The following SHROOM3 variants were observed in gnomAD, a reference collection of about 807,000 sequenced individuals.
SHROOM3 encodes the protein shroom family member 3.
SHROOM3 carries 47 observed loss-of-function variants against 138.6 expected under a neutral mutation model. That is an observed-to-expected ratio of 0.34 (90% CI 0.27 to 0.43). The LOEUF (loss-of-function observed/expected upper bound fraction) is 0.43, where lower values mean the gene tolerates loss of function less well. Ranked by LOEUF, SHROOM3 falls within the 20% of genes least tolerant of loss-of-function variation. The pLI, the probability that SHROOM3 is intolerant of heterozygous loss-of-function variation, is 1.00. For synonymous variants in SHROOM3, 1,062 were observed against 1,063.3 expected (o/e 1.00, Z 0.02); for missense variants, 2,491 against 2,596.5 (o/e 0.96, Z 0.88).
intron 3 of SHROOM3, chr4:76,716,468 A>G (rs1720380232): frequency 7.7e-6 from 4 of 517,348 alleles, no homozygotes; most frequent in East Asian, 5.4e-5. Flanking sequence ...GGATCCTCCA[A>G]TGACAAGCCT....
chr4:76,524,153 A>G (rs375657372), intron 1 of SHROOM3, among the ~76,000 whole-genome samples: 17 of 152,254 alleles, frequency 1.1e-4, no homozygotes, highest in African/African-American at 4.1e-4. Context: ...TTTTTATAAG[A>G]AGAGAGAAAC....
chr4:76,762,268 ATATCT>A (rs1245466627), intron 9 of SHROOM3, among the ~76,000 whole-genome samples: 4 of 152,238 alleles, frequency 2.6e-5, no homozygotes, highest in Admixed American at 1.3e-4. Flanking sequence ...AGAGCATATA[ATATCT>A]TAACAGAGAA....
intron 2 of SHROOM3, among the ~76,000 whole-genome samples, chr4:76,600,730 C>T (rs1321557530): frequency 1.3e-5 from 2 of 152,128 alleles, no homozygotes; most frequent in Non-Finnish European, 2.9e-5. Context: ...TAAATGCTCT[C>T]ATTTGATGCT....
chr4:76,603,185 G>A (rs901604859), intron 2 of SHROOM3, among the ~76,000 whole-genome samples: 6 of 152,138 alleles, frequency 3.9e-5, no homozygotes, highest in East Asian at 1.9e-4. Flanking sequence ...TTGGAAGGCC[G>A]AGGAGAACGG....
chr4:76,442,210 AC>A (rs1040711978), intron 1 of SHROOM3, among the ~76,000 whole-genome samples: 1 of 152,208 alleles, frequency 6.6e-6, no homozygotes, highest in African/African-American at 2.4e-5. Context: ...TAAATGACTT[AC>A]AGGATTGTAC....
At chr4:76,723,918 C>T (rs1043554304) in intron 3 of SHROOM3, among the ~76,000 whole-genome samples, 1 of 152,204 alleles carries the variant, frequency 6.6e-6, no homozygotes, top group African/African-American at 2.4e-5. Flanking sequence ...ATCTGAGCCT[C>T]CCCAGCAAGA....
chr4:76,484,486 A>C (rs952561814), intron 1 of SHROOM3, among the ~76,000 whole-genome samples: 1 of 152,090 alleles, frequency 6.6e-6, no homozygotes, highest in Non-Finnish European at 1.5e-5. Flanking sequence ...TGGGAGGATC[A>C]TTTGAGCCCA....
At position 76,741,061 on chromosome 4, in the gene SHROOM3, C is replaced by T. The variant is rs367782393; in HGVS notation, c.2888C>T (p.Ser963Leu). ...AGGTCCTGGCGGCCACGGCCTTCCTCGGCCCACGTGGGGCTGCGGAGCCCC... is the reference window on the plus strand; with the variant it reads ...AGGTCCTGGCGGCCACGGCCTTCCTTGGCCCACGTGGGGCTGCGGAGCCCC... ...ASRSWRPRPS[S>L]AHVGLRSPEA... Residue 963 changes from serine (S) to leucine (L), a missense_variant, in exon 5 of 11, where the codon TCG becomes TTG. By Grantham distance (145) the Ser-to-Leu change is moderately radical (BLOSUM62 -2). Coordinates refer to ENST00000296043, the MANE Select transcript of SHROOM3 (RefSeq NM_020859.4). The surrounding 1 kb of genome is among the most constrained non-coding windows in gnomAD (Gnocchi z 6.2). 5.4e-5 allele frequency: 82 copies of T among 1,507,180 alleles called. 1 individual carries two copies. The East Asian group carries it at 1.2e-3, about 21-fold the overall frequency. 93.4% of individuals were successfully genotyped at this position (1,507,180 alleles called of 1,614,324 possible). A position where few individuals can be genotyped will look rare whatever the true frequency, so the allele number is the denominator to read the frequency against.
At chr4:76,593,920 C>T (rs115240606) in intron 2 of SHROOM3, among the ~76,000 whole-genome samples, 271 of 152,272 alleles carry the variant, frequency 1.8e-3, no homozygotes, top group African/African-American at 6.1e-3. Context: ...ATTGTCACAT[C>T]GCTACTGCTG....
At chr4:76,439,101 G>A (rs1421886593) in intron 1 of SHROOM3, among the ~76,000 whole-genome samples, 2 of 152,206 alleles carry the variant, frequency 1.3e-5, no homozygotes, top group Non-Finnish European at 2.9e-5. Context: ...GCAGGGCTGT[G>A]TTCCTTGCTG....
chr4:76,637,780 A>G (rs1735540776), intron 2 of SHROOM3: 1 of 152,234 alleles, frequency 6.6e-6, no homozygotes, highest in Non-Finnish European at 1.5e-5. Flanking sequence ...AACCACCCTC[A>G]TCACTAGGCC....
At chr4:76,594,652 T>C (rs1406096477) in intron 2 of SHROOM3, among the ~76,000 whole-genome samples, 1 of 152,218 alleles carries the variant, frequency 6.6e-6, no homozygotes, top group African/African-American at 2.4e-5. Context: ...GCATTGGAAG[T>C]GTAGCTCCAA....
rs146233937 is a variant in SHROOM3 at position 76,699,680 on chromosome 4, G to A, written c.324-10476G>A. Among the ~76,000 whole-genome samples, 9 of 152,254 alleles carry A rather than the reference G, an allele frequency of 5.9e-5. No individual in the cohort carries two copies. In the East Asian group the frequency reaches 1.2e-3, roughly 20 times the overall value. ...TCGACTTTCCTGCTTTACTTCCACC[G>A]TGCTTGTTGCATGTTCTCTTTCTTG... On this transcript the variant is annotated intron_variant, in intron 2 of 10. Transcript: ENST00000296043.
rs760459892 is a variant in SHROOM3 at position 76,755,159 on chromosome 4, T to C, written c.4676T>C (p.Leu1559Pro). The C allele has an allele frequency of 1.9e-6, 3 of 1,612,878 alleles. No individual in the cohort carries two copies. Among genetic ancestry groups the C allele is most frequent in the Non-Finnish European group, 2.5e-6 (3 of 1,179,846 alleles). Residue 1559 changes from leucine (L) to proline (P), a missense_variant, in exon 7 of 11, where the codon CTG becomes CCG. Leu to Pro is a moderately conservative substitution (Grantham distance 98, BLOSUM62 -3). Around this residue, in one of 4 missense-constraint regions of SHROOM3, gnomAD observed 470 missense variants for 595.0 expected, o/e 0.79. Coordinates refer to ENST00000296043, the MANE Select transcript of SHROOM3 (RefSeq NM_020859.4). The part of the protein sequence containing the change: ...PPPHTVCEAQ[L>P]DSEDPEGPRP... ...CCCCACACTGTATGTGAGGCGCAGC[T>C]GGACAGTGAGGATCCCGAGGGGCCA...
intron 1 of SHROOM3, among the ~76,000 whole-genome samples, chr4:76,461,073 G>C (rs1034939677): frequency 2.0e-5 from 3 of 151,424 alleles, no homozygotes; most frequent in African/African-American, 7.3e-5. Flanking sequence ...CATCATAATG[G>C]CTTTATTTTA....
In SHROOM3 at chr4:76,632,861, T is replaced by C. The variant is rs145063575; in HGVS notation, c.323+77098T>C. ...CCATGTTGCCTTTACCAATCTTGAA[T>C]ACTAATTTCTTGGATCTGTTTCCTG... On this transcript the variant is annotated intron_variant, in intron 2 of 10. Coordinates refer to ENST00000296043, the MANE Select transcript of SHROOM3 (RefSeq NM_020859.4). Among the ~76,000 whole-genome samples, 1,289 of 152,278 alleles carry C rather than the reference T, an allele frequency of 8.5e-3. 14 individuals carry two copies. The highest frequency in any genetic ancestry group is 0.029 in the African/African-American group (1,222 of 41,554).
chr4:76,527,180 G>A (rs1000387020), intron 1 of SHROOM3, among the ~76,000 whole-genome samples: 1 of 152,168 alleles, frequency 6.6e-6, no homozygotes, highest in Non-Finnish European at 1.5e-5. Flanking sequence ...ACAGGTTGGA[G>A]GGAAGATAAA....
intron 2 of SHROOM3, among the ~76,000 whole-genome samples, chr4:76,562,252 A>C (rs1263304657): frequency 6.6e-6 from 1 of 152,148 alleles, no homozygotes; most frequent in East Asian, 1.9e-4. Context: ...AAAAATGGTG[A>C]TGAAATTAAG....
intron 1 of SHROOM3, among the ~76,000 whole-genome samples, chr4:76,527,411 C>T (rs572504725): frequency 3.3e-5 from 5 of 152,162 alleles, no homozygotes; most frequent in Admixed American, 2.0e-4. Flanking sequence ...GGTGAAACCC[C>T]GTCTCTACTA....
Sources: gnomAD v4.1 joint callset for allele counts (sites outside exome capture counted in the v4.1 genomes callset) on GRCh38, gnomAD v4.1.1 for gene constraint, gnomAD v4.1.1 regional missense constraint, Gnocchi (gnomAD v3.1) non-coding constraint, MANE v1.5 for transcripts, NCBI Gene and HGNC (gene_info 2026-07-23, HGNC 2026-07-21) for gene names.